Variants in OPCML observed in about 807,000 individuals in gnomAD.
OPCML encodes the protein opioid-binding protein/cell adhesion molecule.
OPCML carries 13 observed loss-of-function variants against 37.8 expected under a neutral mutation model. That is an observed-to-expected ratio of 0.34 (90% confidence interval 0.22 to 0.55). The LOEUF (loss-of-function observed/expected upper bound fraction) is 0.55, where lower values mean the gene tolerates loss of function less well. Among genes scored for constraint, OPCML ranks in the 20% least tolerant of loss-of-function variants. OPCML has a pLI of 0.91. For synonymous variants in OPCML, 176 were observed against 168.8 expected (o/e 1.04, Z -0.33); for missense variants, 341 against 435.6 (o/e 0.78, Z 1.93).
At chr11:133,472,377 T>C (rs1183351913) in intron 1 of OPCML, among the ~76,000 whole-genome samples, 1 of 152,080 alleles carries the variant, frequency 6.6e-6, no homozygotes, top group East Asian at 1.9e-4. Flanking sequence ...ATGGTCCCAG[T>C]CAGGCACAAG....
At chr11:132,809,983 G>A (rs1043523913) in intron 2 of OPCML, among the ~76,000 whole-genome samples, 1 of 152,234 alleles carries the variant, frequency 6.6e-6, no homozygotes, top group Non-Finnish European at 1.5e-5. Context: ...CCGAGTAGCC[G>A]GGACTACAGG....
chr11:133,111,398 T>C (rs1949251482), intron 1 of OPCML, among the ~76,000 whole-genome samples: 1 of 152,116 alleles, frequency 6.6e-6, no homozygotes, highest in Non-Finnish European at 1.5e-5. Flanking sequence ...GGGAGAGAGC[T>C]TTTCCAAGAT....
At chr11:132,551,846 G>A (rs892411747) in intron 3 of OPCML, among the ~76,000 whole-genome samples, 27 of 152,222 alleles carry the variant, frequency 1.8e-4, no homozygotes, top group Middle Eastern at 3.4e-3. Context: ...CTGCACAGCC[G>A]GCTCTGCGTG....
intron 1 of OPCML, among the ~76,000 whole-genome samples, chr11:133,531,571 G>A (rs899984353): frequency 6.6e-6 from 1 of 152,118 alleles, no homozygotes; most frequent in African/African-American, 2.4e-5. Flanking sequence ...TTGGTGGAAG[G>A]ATAAAGAAAG....
intron 2 of OPCML, among the ~76,000 whole-genome samples, chr11:132,853,805 A>G (rs1941922726): frequency 6.6e-6 from 1 of 152,212 alleles, no homozygotes; most frequent in African/African-American, 2.4e-5. Context: ...ATAAAAACAC[A>G]AACAAAACTA....
At chr11:132,761,861 G>A (rs1241485962) in intron 2 of OPCML, among the ~76,000 whole-genome samples, 1 of 152,134 alleles carries the variant, frequency 6.6e-6, no homozygotes, top group East Asian at 1.9e-4. Flanking sequence ...CTGGTGAGGA[G>A]TTGTGGGCCT....
intron 1 of OPCML, among the ~76,000 whole-genome samples, chr11:133,234,145 T>C (rs1446115549): frequency 6.6e-6 from 1 of 152,150 alleles, no homozygotes; most frequent in Non-Finnish European, 1.5e-5. Flanking sequence ...TTTTTGTCCA[T>C]ATTGATGGAA....
chr11:132,866,028 A>G (rs1306340635), intron 2 of OPCML, among the ~76,000 whole-genome samples: 1 of 151,212 alleles, frequency 6.6e-6, no homozygotes, highest in Non-Finnish European at 1.5e-5. Flanking sequence ...TCCTTGGAGC[A>G]CTCTTTAGTT....
intron 2 of OPCML, among the ~76,000 whole-genome samples, chr11:132,826,795 C>T (rs1940373891): frequency 1.3e-5 from 2 of 152,172 alleles, no homozygotes; most frequent in Non-Finnish European, 1.5e-5. Flanking sequence ...TTTGTTATTA[C>T]TGTTACTCTA....
At chr11:133,520,562 A>C (rs1948377625) in intron 1 of OPCML, among the ~76,000 whole-genome samples, 1 of 152,198 alleles carries the variant, frequency 6.6e-6, no homozygotes, top group Non-Finnish European at 1.5e-5. Context: ...TGCATTCATC[A>C]GCCCATGTGT....
rs188979292 is a variant in OPCML, at chr11:132,852,566, T to C, written c.146+90360A>G. Among the ~76,000 whole-genome samples, 1,252 of 151,952 alleles carry C rather than the reference T, an allele frequency of 8.2e-3. 10 individuals carry two copies. Among genetic ancestry groups the C allele is most frequent in the Non-Finnish European group, 0.011 (760 of 67,984 alleles). ...GTCAAAGCAGTGGCACCAAACTGTATCTGTCGGCACCGCGTGCTTCCCCAC... is the reference window on the plus strand; with the variant it reads ...GTCAAAGCAGTGGCACCAAACTGTACCTGTCGGCACCGCGTGCTTCCCCAC... On this transcript the variant is annotated intron_variant, in intron 2 of 7. Coordinates refer to ENST00000524381, the MANE Select transcript of OPCML (RefSeq NM_001012393.5).
chr11:132,791,958 T>C (rs978598659), intron 2 of OPCML, among the ~76,000 whole-genome samples: 7 of 152,128 alleles, frequency 4.6e-5, no homozygotes, highest in Non-Finnish European at 1.0e-4. Context: ...TGGGCGCCCA[T>C]TTTGTGAAAT....
At chr11:132,612,009 T>C (rs1332538342) in intron 3 of OPCML, among the ~76,000 whole-genome samples, 2 of 152,210 alleles carry the variant, frequency 1.3e-5, no homozygotes, top group Non-Finnish European at 2.9e-5. Flanking sequence ...ACCTTGGTGT[T>C]TGATTATATA....
chr11:133,377,358 G>A (rs1039243683), intron 1 of OPCML, among the ~76,000 whole-genome samples: 1 of 152,086 alleles, frequency 6.6e-6, no homozygotes, highest in Non-Finnish European at 1.5e-5. Context: ...CTGTTCTGAG[G>A]CTGGAATGCT....
At chr11:132,714,314 C>A (rs1320910069) in intron 2 of OPCML, among the ~76,000 whole-genome samples, 1 of 152,174 alleles carries the variant, frequency 6.6e-6, no homozygotes. Flanking sequence ...TAGTATTGGA[C>A]ATACTGTAAT....
chr11:132,640,340 C>T (rs1467425732), intron 3 of OPCML, among the ~76,000 whole-genome samples: 1 of 152,134 alleles, frequency 6.6e-6, no homozygotes, highest in Non-Finnish European at 1.5e-5. Context: ...GGAGAGTCTT[C>T]ACATCTCCTA....
intron 2 of OPCML, among the ~76,000 whole-genome samples, chr11:132,701,948 A>G (rs931368101): frequency 1.3e-5 from 2 of 152,028 alleles, no homozygotes; most frequent in African/African-American, 4.8e-5. Context: ...CACATACGAA[A>G]TTCTACACTT....
intron 2 of OPCML, among the ~76,000 whole-genome samples, chr11:132,691,736 T>G (rs1279667196): frequency 1.3e-5 from 2 of 152,210 alleles, no homozygotes; most frequent in African/African-American, 4.8e-5. Flanking sequence ...TTACCAAGTC[T>G]GATGAACATC....
At chr11:132,805,930 A>G (rs967469844) in intron 2 of OPCML, among the ~76,000 whole-genome samples, 1 of 152,218 alleles carries the variant, frequency 6.6e-6, no homozygotes, top group Non-Finnish European at 1.5e-5. Context: ...TATAAGATGG[A>G]ATTCAAAACA....
Sources: allele counts gnomAD v4.1 joint callset (sites outside exome capture counted in the v4.1 genomes callset), GRCh38; gene constraint gnomAD v4.1.1; transcripts MANE v1.5; gene names NCBI Gene and HGNC (gene_info 2026-07-23, HGNC 2026-07-21).